POP4: variants seen among roughly 807,000 people sequenced by gnomAD.
POP4 encodes POP4 ribonuclease P/MRP subunit, also known as ribonuclease P protein subunit p29.
In POP4, 31 loss-of-function variants were observed where a neutral mutation model predicts 29.9. That is an observed-to-expected ratio of 1.04 (90% confidence interval 0.78 to 1.40). The LOEUF (loss-of-function observed/expected upper bound fraction) is 1.40. Ranked by LOEUF, POP4 falls within the 40% of genes most tolerant of loss-of-function variation. POP4 has a pLI of 0.00. For synonymous variants in POP4, 110 were observed against 108.2 expected (o/e 1.02, Z -0.10); for missense variants, 286 against 282.7 (o/e 1.01, Z -0.08).
At chr19:29,609,716 C>T (rs1971042732) in intron 2 of POP4, among the ~76,000 whole-genome samples, 1 of 152,202 alleles carries the variant, frequency 6.6e-6, no homozygotes, top group South Asian at 2.1e-4. Flanking sequence ...AGAGCCTGTG[C>T]TCATTCATGG....
rs1156752102 is a variant in POP4 at position 29,610,434 on chromosome 19, C to T, written c.86C>T (p.Ala29Val). The T allele has an allele frequency of 6.3e-7, 1 of 1,577,500 alleles. No homozygotes were observed. Among genetic ancestry groups the T allele is most frequent in the Admixed American group, 1.9e-5 (1 of 53,820 alleles). Residue 29 changes from alanine (A) to valine (V), a missense_variant, in exon 3 of 7, where the codon GCC becomes GTC. Ala to Val is a moderately conservative substitution (Grantham distance 64). Transcript: ENST00000585603. ...VQPSGAQRAE[A>V]FVRAFLKRST... ...CCTTCAGGAGCACAGCGGGCCGAGG[C>T]CTTCGTGAGGGCCTTCCTGAAGCGC...
intron 2 of POP4, among the ~76,000 whole-genome samples, chr19:29,609,399 G>T (rs550052019): frequency 4.4e-4 from 67 of 152,352 alleles, no homozygotes; most frequent in African/African-American, 1.6e-3. Context: ...ACAGAAGGAA[G>T]GCTGCGTTAC....
At position 29,610,639 on chromosome 19, in the gene POP4, C is replaced by T. The variant is rs1455191177; in HGVS notation, c.284+7C>T. On this transcript the variant is annotated splice_region_variant and intron_variant, in intron 3 of 6. Transcript: ENST00000585603. ...TTAAACCAGAGCAGCAGAGGTAACCCGAGCTCCCCACGTCTTTCTGCCCGC... is the reference window on the plus strand; with the variant it reads ...TTAAACCAGAGCAGCAGAGGTAACCTGAGCTCCCCACGTCTTTCTGCCCGC... 1.2e-6 allele frequency: 2 copies of T among 1,612,290 alleles called. No individual in the cohort carries two copies. The highest frequency in any genetic ancestry group is 1.1e-5 in the South Asian group (1 of 90,780).
intron 1 of POP4, among the ~76,000 whole-genome samples, chr19:29,606,821 C>T (rs537791591): frequency 6.6e-6 from 1 of 152,268 alleles, no homozygotes; most frequent in African/African-American, 2.4e-5. Context: ...TTTTTCATCT[C>T]TGCCACTTTC....
intron 1 of POP4, chr19:29,606,528 A>T: frequency 1.9e-6 from 1 of 537,940 alleles, no homozygotes; most frequent in Non-Finnish European, 3.1e-6. Flanking sequence ...GAGGGATGTC[A>T]GGGCTGGAGG....
intron 1 of POP4, among the ~76,000 whole-genome samples, chr19:29,608,013 T>A (rs1375311238): frequency 2.0e-5 from 3 of 152,178 alleles, no homozygotes; most frequent in Non-Finnish European, 4.4e-5. Flanking sequence ...ACACTCAGGA[T>A]CTAGGGTAGG....
intron 3 of POP4, 161 bp downstream of exon 3, chr19:29,610,793 T>C: frequency 1.4e-6 from 1 of 705,454 alleles, no homozygotes; most frequent in South Asian, 1.9e-5. Flanking sequence ...ATCTGGGCTG[T>C]GTTCAGCGAG....
chr19:29,610,543 G>A lies in POP4; in HGVS notation c.195G>A (p.Lys65=). 6.2e-7 allele frequency: 1 copy of A among 1,614,210 alleles called. No individual in the cohort carries two copies. Among genetic ancestry groups the A allele is most frequent in the Non-Finnish European group, 8.5e-7 (1 of 1,180,048 alleles). Residue 65 remains lysine (K), a synonymous_variant, in exon 3 of 7, where the codon AAG becomes AAA. Coordinates refer to ENST00000585603, the MANE Select transcript of POP4 (RefSeq NM_006627.3). ...TCCTGGAGTACTTCACCCGCCACAA[G>A]CGCAAGGAGAAGAAGAAGAAAGCCA... The part of the protein sequence containing the change: ...AVVLEYFTRH[K]RKEKKKKAKG...
intron 6 of POP4, among the ~76,000 whole-genome samples, chr19:29,615,036 C>A (rs1245982414): frequency 6.6e-6 from 1 of 152,160 alleles, no homozygotes; most frequent in African/African-American, 2.4e-5. Context: ...GATTAGGTGC[C>A]AAGCTACATT....
chr19:29,615,234 T>C lies in POP4; in HGVS notation c.527-10T>C. ...TTTTTTTCTCCTGCCTTTTTTTTTT[T>C]TTTTTTCAGTTATCCCCAAGCTAAA... is the stretch of plus-strand genomic sequence containing the variant. On this transcript the variant is annotated splice_polypyrimidine_tract_variant and intron_variant, in intron 6 of 6. Transcript: ENST00000585603. 3 of 1,517,864 alleles carry C rather than the reference T, an allele frequency of 2.0e-6. No homozygotes were observed. In the South Asian group the frequency reaches 3.9e-5, roughly 20 times the overall value. 94.0% of individuals were successfully genotyped at this position (1,517,864 alleles called of 1,614,324 possible). A position where few individuals can be genotyped will look rare whatever the true frequency, so the allele number is the denominator to read the frequency against.
chr19:29,612,076 T>C (rs776024195), intron 4 of POP4, 41 bp from the exon 5 acceptor site: 3 of 1,593,136 alleles, frequency 1.9e-6, no homozygotes, highest in South Asian at 1.1e-5. Context: ...TTTGGAACTT[T>C]TTATCATGAT....
chr19:29,615,154 G>T, intron 6 of POP4, 90 bp from the exon 7 acceptor site: 1 of 1,369,236 alleles, frequency 7.3e-7, no homozygotes, highest in Non-Finnish European at 9.6e-7. Context: ...CATTCAATGT[G>T]TTCTGAATAA....
At chr19:29,610,327 C>T (rs1171911832) in intron 2 of POP4, 82 bp from the exon 3 acceptor site, 15 of 1,321,410 alleles carry the variant, frequency 1.1e-5, no homozygotes, top group East Asian at 5.1e-5. Context: ...CAGTAGCTGC[C>T]GGGAATGGCG....
chr19:29,608,680 CAGAA>C lies in POP4; in HGVS notation c.35_38del (p.Lys12ArgfsTer19), dbSNP rs1568293785. The C allele has an allele frequency of 6.2e-7, 1 of 1,614,016 alleles. No individual in the cohort carries two copies. The highest frequency in any genetic ancestry group is 8.5e-7 in the Non-Finnish European group (1 of 1,179,936). ...AGGTGTGATCTACCATGCATTGTCTCAGAAAGAGGCGAATGACTCCGATGTCCAG... is the reference window on the plus strand; with the variant it reads ...AGGTGTGATCTACCATGCATTGTCTCAGAGGCGAATGACTCCGATGTCCAG... On this transcript the variant is annotated frameshift_variant, in exon 2 of 7. Transcript: ENST00000585603. LOFTEE classifies it high-confidence loss of function.
chr19:29,608,166 T>A (rs926608439), intron 1 of POP4, among the ~76,000 whole-genome samples: 12 of 151,998 alleles, frequency 7.9e-5, no homozygotes, highest in Non-Finnish European at 1.6e-4. Context: ...CAAGAAAGCT[T>A]TGCTCTTAAT....
chr19:29,610,812 G>C, intron 3 of POP4, 180 bp downstream of exon 3: 1 of 630,936 alleles, frequency 1.6e-6, no homozygotes. Context: ...AGGCGGGTGA[G>C]ACAGGACTCA....
At chr19:29,606,442 C>A in intron 1 of POP4, 117 bp downstream of exon 1, 6 of 1,212,402 alleles carry the variant, frequency 4.9e-6, no homozygotes, top group Non-Finnish European at 6.7e-6. Flanking sequence ...AGAACCGCTA[C>A]AGGAATGGGC....
In POP4 at chr19:29,614,640, A is replaced by T. The variant is rs1599488257; in HGVS notation, c.527-604A>T. ...TGCCTCAGCCTCCCAAGTAGCTGGG[A>T]TTACAGGCACGCGCCACCACGCCCG... On this transcript the variant is annotated intron_variant, in intron 6 of 6. Transcript: ENST00000585603. Among the ~76,000 whole-genome samples, 3 of 151,612 alleles carry T rather than the reference A, an allele frequency of 2.0e-5. No homozygotes were observed. In the South Asian group the frequency reaches 6.2e-4, roughly 32 times the overall value.
At position 29,610,425 on chromosome 19, in the gene POP4, G is replaced by C. The variant is rs371815864; in HGVS notation, c.77G>C (p.Arg26Pro). The stretch of plus-strand genomic sequence containing the variant: ...CGCCTGCAGCCTTCAGGAGCACAGC[G>C]GGCCGAGGCCTTCGTGAGGGCCTTC... ...DSDVQPSGAQRAEAFVRAFLK... is the reference protein window; with the variant it reads ...DSDVQPSGAQPAEAFVRAFLK... The change falls in exon 3 of 7, where the codon CGG becomes CCG. Residue 26 changes from arginine (R) to proline (P), a missense_variant. Arg to Pro is a moderately radical substitution (Grantham distance 103). Transcript: ENST00000585603. 6.4e-6 allele frequency: 10 copies of C among 1,567,648 alleles called. No individual in the cohort carries two copies. Among genetic ancestry groups the C allele is most frequent in the Non-Finnish European group, 7.8e-6 (9 of 1,156,548 alleles).
Sources: gnomAD v4.1 joint callset for allele counts (sites outside exome capture counted in the v4.1 genomes callset) on GRCh38, gnomAD v4.1.1 for gene constraint, MANE v1.5 for transcripts, NCBI Gene and HGNC (gene_info 2026-07-23, HGNC 2026-07-21) for gene names.